The following LATS2 variants were observed in gnomAD, a reference collection of about 807,000 sequenced individuals.
The protein encoded by LATS2 is serine/threonine-protein kinase LATS2.
A neutral mutation model predicts 76.0 loss-of-function variants in LATS2; 24 were observed. The ratio of observed to expected loss-of-function variants is 0.32; its 90% CI spans 0.23 to 0.44. The LOEUF is 0.44. Ranked by LOEUF, LATS2 falls within the 20% of genes least tolerant of loss-of-function variation. The probability of loss-of-function intolerance (pLI) is 1.00; values close to 1 mark genes in which losing one functional copy is unlikely to be tolerated. For missense variants in LATS2, 1,286 were observed against 1,481.2 expected (o/e 0.87, Z 2.16); for synonymous variants, 692 against 635.4 (o/e 1.09, Z -1.34).
At chr13:21,037,734 G>T (rs1310732250) in intron 2 of LATS2, among the ~76,000 whole-genome samples, 1 of 152,186 alleles carries the variant, frequency 6.6e-6, no homozygotes, top group Non-Finnish European at 1.5e-5. Context: ...GAGCCCTGAG[G>T]GAGAAGTGGG....
intron 2 of LATS2, among the ~76,000 whole-genome samples, chr13:21,019,739 C>T (rs1329539466): frequency 2.1e-5 from 3 of 145,836 alleles, no homozygotes; most frequent in Admixed American, 7.0e-5. Flanking sequence ...TTTGGGAGGC[C>T]GAAGCGGGTG....
intron 2 of LATS2, among the ~76,000 whole-genome samples, chr13:20,993,596 T>C (rs1595220534): frequency 6.6e-6 from 1 of 151,604 alleles, no homozygotes; most frequent in Non-Finnish European, 1.5e-5. Context: ...AAGTGACAGA[T>C]TGGAAAATGG....
rs1355593510 is a variant in LATS2 at position 21,058,887 on chromosome 13, G to A, written c.-205+2459C>T. On this transcript the variant is annotated intron_variant, in intron 1 of 7. Transcript: ENST00000382592. The stretch of plus-strand genomic sequence containing the variant: ...AATAGACGTCATAAACAGTTTATAC[G>A]TTCTCATTTTGGAATATTTTTTCTG... Among the ~76,000 whole-genome samples the A allele has an allele frequency of 2.6e-5, 4 of 151,344 alleles. No individual in the cohort carries two copies. In the East Asian group the frequency reaches 5.8e-4, roughly 22 times the overall value.
intron 2 of LATS2, among the ~76,000 whole-genome samples, chr13:21,003,019 T>A (rs1041167870): frequency 1.3e-5 from 2 of 152,156 alleles, no homozygotes; most frequent in Non-Finnish European, 2.9e-5. Flanking sequence ...ATCTTAAAAT[T>A]TGAATGGTTT....
rs371775408 is a variant in LATS2, at chr13:20,989,028, G to A, written c.752C>T (p.Ala251Val). Residue 251 changes from alanine to valine, a missense_variant, in exon 4 of 8, where the codon GCG becomes GTG. Coordinates refer to ENST00000382592, the MANE Select transcript of LATS2 (RefSeq NM_014572.3). ...CAGCAGGTGCGGCCGCCCGTAGTGC[G>A]CGCCCTGCAGCGGGAAGTGTGCCCC... Reference protein sequence around the residue: ...AAGAHFPLQGAHYGRPHLLVP... With the variant: ...AAGAHFPLQGVHYGRPHLLVP... 8 of 1,558,960 alleles carry A rather than the reference G, an allele frequency of 5.1e-6. No individual in the cohort carries two copies. The highest frequency in any genetic ancestry group is 1.9e-5 in the Admixed American group (1 of 53,070).
At chr13:21,013,275 G>C (rs550681199) in intron 2 of LATS2, among the ~76,000 whole-genome samples, 3 of 152,218 alleles carry the variant, frequency 2.0e-5, no homozygotes, top group Admixed American at 2.0e-4. Flanking sequence ...AGCCTTGCAT[G>C]TTCTGCCCAA....
Position 20,991,248 on chromosome 13 carries a change from A to C in LATS2, c.475+24T>G. 1 of 1,613,890 alleles carries C rather than the reference A, an allele frequency of 6.2e-7. No individual in the cohort carries two copies. The highest frequency in any genetic ancestry group is 1.1e-5 in the South Asian group (1 of 91,058). ...CTTAAGCCACAAACCATCTTTGCCC[A>C]CTATGCTGCAGGCCTGGGCTCACCT... is the stretch of plus-strand genomic sequence containing the variant. On this transcript the variant is annotated intron_variant, in intron 3 of 7. Coordinates refer to ENST00000382592, the MANE Select transcript of LATS2 (RefSeq NM_014572.3). The surrounding 1 kb of genome is among the most constrained non-coding windows in gnomAD (Gnocchi z 4.9).
rs770191896 is a variant in LATS2 at position 20,987,904 on chromosome 13, G to A, written c.1876C>T (p.Gln626Ter). The part of the protein sequence containing the change: ...TYQQKVNRRL[Q>*]LEQEMAKAGL... ...ACTTTGGCCATTTCTTGCTCCAGCT[G>A]CAGCCTCCGGTTAACCTTCTGCTGG... is the stretch of plus-strand genomic sequence containing the variant. The change falls in exon 4 of 8, where the codon CAG becomes TAG. Residue 626 changes from glutamine to a stop codon, truncating the protein, a stop_gained. Transcript: ENST00000382592. LOFTEE classifies it high-confidence loss of function. 6.2e-7 allele frequency: 1 copy of A among 1,613,112 alleles called. No individual in the cohort carries two copies. The highest frequency in any genetic ancestry group is 8.5e-7 in the Non-Finnish European group (1 of 1,179,218).
intron 2 of LATS2, among the ~76,000 whole-genome samples, chr13:21,043,637 A>T (rs1872966124): frequency 6.6e-6 from 1 of 152,210 alleles, no homozygotes; most frequent in Non-Finnish European, 1.5e-5. Context: ...AGCAATTAAC[A>T]TAAATTAAAT....
At chr13:21,007,446 A>G (rs1199309856) in intron 2 of LATS2, among the ~76,000 whole-genome samples, 1 of 143,548 alleles carries the variant, frequency 7.0e-6, no homozygotes, top group Non-Finnish European at 1.5e-5. Flanking sequence ...AGGCACTGAG[A>G]AGATATAAGG....
In LATS2 at chr13:20,974,238, G is replaced by T. The variant is rs961180035; in HGVS notation, c.*632C>A. On this transcript the variant is annotated 3_prime_UTR_variant, in exon 8 of 8. Coordinates refer to ENST00000382592, the MANE Select transcript of LATS2 (RefSeq NM_014572.3). The stretch of plus-strand genomic sequence containing the variant: ...ATGCAGTACTCTCCACACACCAGAC[G>T]TCGGAAATCACAGCCACATCATCAC... The T allele has an allele frequency of 5.9e-5, 13 of 220,970 alleles. No individual in the cohort carries two copies. The highest frequency in any genetic ancestry group is 9.0e-5 in the Non-Finnish European group (10 of 110,650). 13.7% of individuals were successfully genotyped at this position (220,970 alleles called of 1,614,324 possible).
At chr13:21,022,642 T>C (rs944282956) in intron 2 of LATS2, among the ~76,000 whole-genome samples, 7 of 152,146 alleles carry the variant, frequency 4.6e-5, no homozygotes, top group African/African-American at 9.7e-5. Context: ...AGAGTGCTTT[T>C]AGGAATCCCG....
chr13:21,003,552 C>T (rs774905195), intron 2 of LATS2, among the ~76,000 whole-genome samples: 7 of 151,952 alleles, frequency 4.6e-5, no homozygotes, highest in Non-Finnish European at 8.8e-5. Context: ...GCAGTCCTCC[C>T]GCCTCAGCCT....
At chr13:21,032,509 G>A (rs756362357) in intron 2 of LATS2, among the ~76,000 whole-genome samples, 6 of 152,036 alleles carry the variant, frequency 3.9e-5, no homozygotes, top group South Asian at 2.1e-4. Context: ...TCAAGCAATC[G>A]CCCACCTCAG....
intron 2 of LATS2, among the ~76,000 whole-genome samples, chr13:21,024,945 G>A (rs112523454): frequency 6.6e-6 from 1 of 152,078 alleles, no homozygotes; most frequent in Non-Finnish European, 1.5e-5. Context: ...CCAGAGACAC[G>A]CACATTTATG....
intron 7 of LATS2, 21 bp downstream of exon 7, chr13:20,979,670 G>A (rs1869779373): frequency 7.2e-7 from 1 of 1,379,998 alleles, no homozygotes; most frequent in South Asian, 1.2e-5. Context: ...GCAAGCAGAT[G>A]CGTGGTTCCT....
At chr13:21,002,880 T>G (rs576581591) in intron 2 of LATS2, among the ~76,000 whole-genome samples, 2 of 152,184 alleles carry the variant, frequency 1.3e-5, no homozygotes, top group African/African-American at 4.8e-5. Context: ...TTCTTTTTCA[T>G]TTTTAGAGAA....
intron 2 of LATS2, 51 bp downstream of exon 2, chr13:21,045,634 A>G (rs760505593): frequency 2.1e-6 from 3 of 1,438,610 alleles, no homozygotes; most frequent in Non-Finnish European, 1.9e-6. Context: ...TGACTGCCCC[A>G]GCTGTCCCAT....
chr13:21,029,274 G>A (rs1221566193), intron 2 of LATS2, among the ~76,000 whole-genome samples: 1 of 152,070 alleles, frequency 6.6e-6, no homozygotes, highest in Admixed American at 6.6e-5. Flanking sequence ...GATAGCTTTT[G>A]GTACAAATGG....
Sources: gnomAD v4.1 joint callset for allele counts (sites outside exome capture counted in the v4.1 genomes callset) on GRCh38, gnomAD v4.1.1 for gene constraint, Gnocchi (gnomAD v3.1) non-coding constraint, MANE v1.5 for transcripts, NCBI Gene and HGNC (gene_info 2026-07-23, HGNC 2026-07-21) for gene names.